Variants in SLC25A21 observed in about 807,000 individuals in gnomAD.
SLC25A21 encodes mitochondrial 2-oxodicarboxylate carrier.
Under a neutral mutation model 43.8 loss-of-function variants are expected in SLC25A21, and 47 were observed. The ratio of observed to expected loss-of-function variants is 1.07; its 90% CI spans 0.85 to 1.37. The LOEUF (loss-of-function observed/expected upper bound fraction) is 1.37. Ranked by LOEUF, SLC25A21 falls within the 40% of genes most tolerant of loss-of-function variation. The pLI is 0.00. For missense variants in SLC25A21, 352 were observed against 350.2 expected, an observed-to-expected ratio of 1.00 and a Z score of -0.04; for synonymous variants, 131 against 121.3, an observed-to-expected ratio of 1.08 and a Z score of -0.52.
At chr14:36,869,903 C>T (rs1319069454) in intron 2 of SLC25A21, among the ~76,000 whole-genome samples, 1 of 152,046 alleles carries the variant, frequency 6.6e-6, no homozygotes, top group Non-Finnish European at 1.5e-5. Flanking sequence ...ATTCCACGTT[C>T]AACAAGCCCC....
At chr14:36,856,306 CGA>C (rs1889896222) in intron 2 of SLC25A21, among the ~76,000 whole-genome samples, 1 of 152,160 alleles carries the variant, frequency 6.6e-6, no homozygotes, top group East Asian at 1.9e-4. Context: ...CTCCCTCTCT[CGA>C]GCTTGTCTTT....
chr14:36,901,290 G>A (rs1314157095), intron 1 of SLC25A21, among the ~76,000 whole-genome samples: 3 of 152,132 alleles, frequency 2.0e-5, no homozygotes, highest in Non-Finnish European at 4.4e-5. Flanking sequence ...AGTAGAAAAG[G>A]TTAAATAAAC....
At chr14:36,736,249 G>C (rs1452156923) in intron 3 of SLC25A21, among the ~76,000 whole-genome samples, 1 of 151,928 alleles carries the variant, frequency 6.6e-6, no homozygotes, top group African/African-American at 2.4e-5. Context: ...CACGATTTTT[G>C]ACTTAATGGA....
At chr14:36,989,832 G>A (rs920358723) in intron 1 of SLC25A21, among the ~76,000 whole-genome samples, 1 of 151,952 alleles carries the variant, frequency 6.6e-6, no homozygotes, top group African/African-American at 2.4e-5. Flanking sequence ...CCAACTGGTT[G>A]TAATTGACTC....
chr14:36,933,007 G>T (rs999803768), intron 1 of SLC25A21, among the ~76,000 whole-genome samples: 3 of 152,130 alleles, frequency 2.0e-5, no homozygotes. Flanking sequence ...TTGTTTGGTA[G>T]AATTACATAA....
chr14:36,764,036 A>AAAAG (rs759050826), intron 3 of SLC25A21, among the ~76,000 whole-genome samples: 1,553 of 25,742 alleles, frequency 0.06, 274 homozygotes, highest in Non-Finnish European at 0.079. Context: ...GAAAGAAAGA[A>AAAAG]AAAGAAAGAA....
intron 1 of SLC25A21, among the ~76,000 whole-genome samples, chr14:37,015,016 G>T (rs150426433): frequency 0.011 from 1,710 of 152,032 alleles, 41 homozygotes; most frequent in African/African-American, 0.038. Flanking sequence ...CATTTATAGG[G>T]CACAGCAGAT....
chr14:37,078,127 C>G (rs1310617109), intron 1 of SLC25A21, among the ~76,000 whole-genome samples: 2 of 152,038 alleles, frequency 1.3e-5, no homozygotes, highest in Non-Finnish European at 2.9e-5. Context: ...TCTTGAAAAT[C>G]TTGTTGAGAT....
At chr14:36,921,617 C>T (rs1481330763) in intron 1 of SLC25A21, among the ~76,000 whole-genome samples, 1 of 152,024 alleles carries the variant, frequency 6.6e-6, no homozygotes, top group East Asian at 1.9e-4. Flanking sequence ...CAATAAAATT[C>T]AAAAGACAGC....
chr14:37,058,596 T>C (rs1470053063), intron 1 of SLC25A21, among the ~76,000 whole-genome samples: 1 of 152,214 alleles, frequency 6.6e-6, no homozygotes, highest in Non-Finnish European at 1.5e-5. Context: ...TTAGGGCACA[T>C]AGATTCTATT....
chr14:36,935,009 G>A (rs1468468242), intron 1 of SLC25A21, among the ~76,000 whole-genome samples: 1 of 146,590 alleles, frequency 6.8e-6, no homozygotes, highest in Non-Finnish European at 1.5e-5. Flanking sequence ...TTTTTTTTTT[G>A]AGGGCTGTTA....
In SLC25A21 at chr14:36,678,477, T is replaced by C; in HGVS notation, c.*2181A>G. ...GTAAAACTTCCATTGACATCTGGAG[T>C]TCCCAGTCTGGTGAGAAAATAGACT... On this transcript the variant is annotated 3_prime_UTR_variant, in exon 10 of 10. Coordinates refer to ENST00000331299, the MANE Select transcript of SLC25A21 (RefSeq NM_030631.4). 2 of 1,536,256 alleles carry C rather than the reference T, an allele frequency of 1.3e-6. No individual in the cohort carries two copies. Among genetic ancestry groups the C allele is most frequent in the Non-Finnish European group, 1.7e-6 (2 of 1,146,116 alleles).
chr14:37,117,156 G>T (rs754462756), intron 1 of SLC25A21, among the ~76,000 whole-genome samples: 5 of 152,122 alleles, frequency 3.3e-5, no homozygotes, highest in Non-Finnish European at 7.4e-5. Flanking sequence ...AGAGCTAAAA[G>T]GTACATGAAT....
intron 2 of SLC25A21, among the ~76,000 whole-genome samples, chr14:36,868,852 T>C (rs1052499393): frequency 1.3e-5 from 2 of 152,222 alleles, no homozygotes; most frequent in Non-Finnish European, 2.9e-5. Flanking sequence ...AGTGGGATTC[T>C]GAAGGTAGGG....
At chr14:36,796,935 C>T (rs994156501) in intron 3 of SLC25A21, among the ~76,000 whole-genome samples, 2 of 152,176 alleles carry the variant, frequency 1.3e-5, no homozygotes, top group Non-Finnish European at 2.9e-5. Context: ...GCAACCACTC[C>T]TTAGCGGCCT....
At chr14:36,872,489 T>C (rs968973361) in intron 2 of SLC25A21, among the ~76,000 whole-genome samples, 1 of 152,206 alleles carries the variant, frequency 6.6e-6, no homozygotes, top group Admixed American at 6.5e-5. Context: ...TCCTGCCTAC[T>C]TGATGTCATC....
intron 1 of SLC25A21, among the ~76,000 whole-genome samples, chr14:37,128,866 G>A (rs1286539664): frequency 6.6e-6 from 1 of 152,130 alleles, no homozygotes; most frequent in African/African-American, 2.4e-5. Context: ...GGGATTACAT[G>A]TGTGAGCCAC....
At chr14:37,072,311 G>A (rs1962190309) in intron 1 of SLC25A21, among the ~76,000 whole-genome samples, 1 of 151,942 alleles carries the variant, frequency 6.6e-6, no homozygotes, top group South Asian at 2.1e-4. Context: ...GCCATACTCT[G>A]ATTTCCACAG....
intron 1 of SLC25A21, among the ~76,000 whole-genome samples, chr14:37,118,654 A>G (rs1238374162): frequency 2.6e-5 from 4 of 152,186 alleles, no homozygotes; most frequent in Admixed American, 1.3e-4. Flanking sequence ...GACAACTACT[A>G]AGGAAGTACA....
Sources: allele counts gnomAD v4.1 joint callset (sites outside exome capture counted in the v4.1 genomes callset), GRCh38; gene constraint gnomAD v4.1.1; transcripts MANE v1.5; gene names NCBI Gene and HGNC (gene_info 2026-07-23, HGNC 2026-07-21).